Variants in PPP2R2C observed in about 807,000 individuals in gnomAD.
PPP2R2C encodes the protein protein phosphatase 2, regulatory subunit B, gamma.
A neutral mutation model predicts 45.3 loss-of-function variants in PPP2R2C; 10 were observed. That is an observed-to-expected ratio of 0.22 (90% CI 0.14 to 0.37). PPP2R2C has a LOEUF of 0.37. PPP2R2C is among the 10% of genes least tolerant of loss of function. PPP2R2C has a pLI of 1.00. For synonymous variants in PPP2R2C, 257 were observed against 245.4 expected (o/e 1.05, Z -0.44); for missense variants, 308 against 619.7 (o/e 0.50, Z 5.34).
At position 6,472,330 on chromosome 4, in the gene PPP2R2C, C is replaced by T. The variant is rs1206782565; in HGVS notation, c.-101G>A. 2.1e-6 allele frequency: 3 copies of T among 1,418,010 alleles called. No individual in the cohort carries two copies. In the African/African-American group the frequency reaches 4.5e-5, roughly 21 times the overall value. The allele number at this position is 1,418,010 out of a possible 1,614,324, so 87.8% of individuals were successfully genotyped here. The stretch of plus-strand genomic sequence containing the variant: ...CGCGGGCCATGCCGCCGCAGCCTAG[C>T]AGGGGCGCGGGCCGCCGGGGCCCCG... On this transcript the variant is annotated 5_prime_UTR_variant, in exon 1 of 9. Coordinates refer to ENST00000382599, the MANE Select transcript of PPP2R2C (RefSeq NM_020416.4).
In PPP2R2C at chr4:6,384,082, G is replaced by A. The variant is rs927935973; in HGVS notation, c.71-2988C>T. On this transcript the variant is annotated intron_variant, in intron 1 of 8. Transcript: ENST00000382599. ...AACACGGAAACGCCCACCGGGCATGGAGTCAGAACAGGGTCAGGTCCCAGC... is the reference window on the plus strand; with the variant it reads ...AACACGGAAACGCCCACCGGGCATGAAGTCAGAACAGGGTCAGGTCCCAGC... The A allele has an allele frequency of 3.0e-6, 3 of 985,370 alleles. No individual in the cohort carries two copies. The Admixed American group carries it at 1.8e-4, about 61-fold the overall frequency. The allele number at this position is 985,370 out of a possible 1,614,324, so 61.0% of individuals were successfully genotyped here. A position where few individuals can be genotyped will look rare whatever the true frequency, so the allele number is the denominator to read the frequency against.
rs1165733795 is a variant in PPP2R2C at position 6,472,376 on chromosome 4, G to A, written c.-147C>T. ...CCCCGAAGGGAGGGCATCGCGGCAG[G>A]GGGACGGGCGGGGGCGGCCGGGGGC... On this transcript the variant is annotated 5_prime_UTR_variant, in exon 1 of 9. Transcript: ENST00000382599. 59 of 1,039,086 alleles carry A rather than the reference G, an allele frequency of 5.7e-5. No individual in the cohort carries two copies. Among genetic ancestry groups the A allele is most frequent in the Middle Eastern group, 9.0e-4 (2 of 2,216 alleles). The allele number at this position is 1,039,086 out of a possible 1,614,324, so 64.4% of individuals were successfully genotyped here. A position where few individuals can be genotyped will look rare whatever the true frequency, so the allele number is the denominator to read the frequency against.
intron 6 of PPP2R2C, among the ~76,000 whole-genome samples, chr4:6,346,353 G>A (rs891884735): frequency 3.3e-5 from 5 of 152,128 alleles, no homozygotes; most frequent in Admixed American, 6.5e-5. Context: ...CCTCCTTCTC[G>A]AACATTCTTC....
chr4:6,419,342 C>T (rs1271174392), intron 1 of PPP2R2C, among the ~76,000 whole-genome samples: 6 of 152,052 alleles, frequency 3.9e-5, no homozygotes, highest in African/African-American at 1.2e-4. Context: ...AGGAGAATCG[C>T]TTGAACCCGG....
At chr4:6,532,210 G>A (rs1312711934) in intron 2 of PPP2R2C, among the ~76,000 whole-genome samples, 1 of 152,224 alleles carries the variant, frequency 6.6e-6, no homozygotes, top group Non-Finnish European at 1.5e-5. Flanking sequence ...TGCGATCTAT[G>A]GTCCTCACGA....
At chr4:6,333,458 C>A in intron 7 of PPP2R2C, 104 bp downstream of exon 7, 1 of 1,316,798 alleles carries the variant, frequency 7.6e-7, no homozygotes, top group East Asian at 2.3e-5. Context: ...CACCTACATA[C>A]CGGGCATATG....
At chr4:6,546,596 G>A (rs965702806) in intron 1 of PPP2R2C, among the ~76,000 whole-genome samples, 15 of 152,252 alleles carry the variant, frequency 9.9e-5, no homozygotes, top group African/African-American at 3.4e-4. Context: ...CATCTCAGCC[G>A]TCCCTTCTCT....
chr4:6,395,370 A>G (rs1716949503), intron 1 of PPP2R2C, among the ~76,000 whole-genome samples: 1 of 152,078 alleles, frequency 6.6e-6, no homozygotes, highest in South Asian at 2.1e-4. Context: ...TCAGAAACGG[A>G]CCCCGCGGGC....
In PPP2R2C at chr4:6,471,741, T is replaced by C. The variant is rs1721897306; in HGVS notation, c.70+419A>G. 1 of 161,778 alleles carries C rather than the reference T, an allele frequency of 6.2e-6. No individual in the cohort carries two copies. Among genetic ancestry groups the C allele is most frequent in the African/African-American group, 2.4e-5 (1 of 41,670 alleles). 10.0% of individuals were successfully genotyped at this position (161,778 alleles called of 1,614,324 possible). A position where few individuals can be genotyped will look rare whatever the true frequency, so the allele number is the denominator to read the frequency against. On this transcript the variant is annotated intron_variant, in intron 1 of 8. Transcript: ENST00000382599. The surrounding 1 kb of genome is among the most constrained non-coding windows in gnomAD (Gnocchi z 5.6). ...TCCAGGGAGAGGGCAGCCTAGAAAA[T>C]TCTGCGGGCTTTGGGCAGGGCTGAA...
At chr4:6,421,188 A>C in intron 1 of PPP2R2C, 1 of 933,320 alleles carries the variant, frequency 1.1e-6, no homozygotes. Context: ...GTGGGGGCCA[A>C]TCAGATGCTC....
At chr4:6,420,633 C>T (rs1409074818) in intron 1 of PPP2R2C, among the ~76,000 whole-genome samples, 1 of 152,122 alleles carries the variant, frequency 6.6e-6, no homozygotes, top group Non-Finnish European at 1.5e-5. Flanking sequence ...TAAGCTCTAT[C>T]TGCGGGACAC....
intron 1 of PPP2R2C, among the ~76,000 whole-genome samples, chr4:6,457,614 T>G (rs998210072): frequency 2.0e-5 from 3 of 152,068 alleles, no homozygotes; most frequent in African/African-American, 7.2e-5. Context: ...GCTCAAGCGA[T>G]CCTCCCACCT....
At chr4:6,490,242 T>G (rs1722657829) in intron 2 of PPP2R2C, among the ~76,000 whole-genome samples, 1 of 152,174 alleles carries the variant, frequency 6.6e-6, no homozygotes, top group African/African-American at 2.4e-5. Context: ...GGAGCGCTCA[T>G]CTGGGACTTA....
chr4:6,336,447 C>T (rs1453194264), intron 6 of PPP2R2C, among the ~76,000 whole-genome samples: 1 of 152,040 alleles, frequency 6.6e-6, no homozygotes, highest in Non-Finnish European at 1.5e-5. Context: ...AACGCCTTCA[C>T]CTCCCTGAGC....
In PPP2R2C at chr4:6,455,859, C is replaced by T. The variant is rs147101521; in HGVS notation, c.70+16301G>A. On this transcript the variant is annotated intron_variant, in intron 1 of 8. Coordinates refer to ENST00000382599, the MANE Select transcript of PPP2R2C (RefSeq NM_020416.4). Reference sequence around the variant, plus strand: ...CCCCCTGCTGCCTACTGCTGTGGACCACCAACCACTGCTGCCCACAGCCTT... The same window carrying T: ...CCCCCTGCTGCCTACTGCTGTGGACTACCAACCACTGCTGCCCACAGCCTT... Among the ~76,000 whole-genome samples the T allele has an allele frequency of 2.6e-3, 391 of 152,202 alleles. 1 individual carries two copies. The highest frequency in any genetic ancestry group is 9.0e-3 in the African/African-American group (374 of 41,510).
At chr4:6,400,662 A>G (rs16838722) in intron 1 of PPP2R2C, among the ~76,000 whole-genome samples, 2,209 of 152,348 alleles carry the variant, frequency 0.014, 53 homozygotes, top group African/African-American at 0.049. Context: ...TAAGGCGTCT[A>G]TTGATGTAAG....
chr4:6,544,532 T>C (rs1463170210), intron 1 of PPP2R2C, among the ~76,000 whole-genome samples: 1 of 152,014 alleles, frequency 6.6e-6, no homozygotes, highest in Non-Finnish European at 1.5e-5. Context: ...AGACGGGATC[T>C]CACTATGTTG....
intron 2 of PPP2R2C, among the ~76,000 whole-genome samples, chr4:6,517,044 G>A (rs1005428477): frequency 2.0e-5 from 3 of 152,132 alleles, no homozygotes; most frequent in East Asian, 3.8e-4. Flanking sequence ...TTCCTCCCAC[G>A]CCCACACTCC....
intron 5 of PPP2R2C, among the ~76,000 whole-genome samples, chr4:6,352,243 G>A (rs986994263): frequency 3.9e-5 from 6 of 152,156 alleles, no homozygotes; most frequent in South Asian, 2.1e-4. Flanking sequence ...CGGGGCCCCC[G>A]GCTGGGCGTC....
Sources: allele counts gnomAD v4.1 joint callset (sites outside exome capture counted in the v4.1 genomes callset), GRCh38; gene constraint gnomAD v4.1.1; non-coding constraint Gnocchi (gnomAD v3.1); transcripts MANE v1.5; gene names NCBI Gene and HGNC (gene_info 2026-07-23, HGNC 2026-07-21).